GPALPP1: variants seen among roughly 807,000 people sequenced by gnomAD.
GPALPP1 encodes GPALPP motifs containing 1, also known as GPALPP motifs-containing protein 1.
Under a neutral mutation model 38.9 loss-of-function variants are expected in GPALPP1, and 30 were observed. That is an observed-to-expected ratio of 0.77 (90% CI 0.58 to 1.05). GPALPP1 has a LOEUF of 1.05. GPALPP1 is among the 50% of genes least tolerant of loss of function. The pLI is 0.00. For missense variants in GPALPP1, 384 were observed against 408.8 expected (o/e 0.94, Z 0.52); for synonymous variants, 120 against 139.2 (o/e 0.86, Z 0.97).
intron 3 of GPALPP1, among the ~76,000 whole-genome samples, chr13:45,008,492 G>T (rs78011144): frequency 0.083 from 12,612 of 152,078 alleles, 886 homozygotes; most frequent in African/African-American, 0.17. Flanking sequence ...TTAAAACATT[G>T]CCATTTTTAT....
chr13:45,028,186 A>G lies in GPALPP1; in HGVS notation c.*183A>G. 2.7e-6 allele frequency: 1 copy of G among 363,828 alleles called. No homozygotes were observed. Among genetic ancestry groups the G allele is most frequent in the Non-Finnish European group, 4.9e-6 (1 of 205,830 alleles). 22.5% of individuals were successfully genotyped at this position (363,828 alleles called of 1,614,324 possible). On this transcript the variant is annotated 3_prime_UTR_variant, in exon 8 of 8. Transcript: ENST00000379151. ...CCTTGTGGGATGAAAAATATGTCTT[A>G]CTGGAAAAATCCCTCATAATAACCT...
chr13:45,035,749 T>A (rs1876384553), exon 8 of GPALPP1: 1 of 152,234 alleles, frequency 6.6e-6, no homozygotes. Context: ...ACCTAGGAGT[T>A]CATTTAAATG....
intron 1 of GPALPP1, among the ~76,000 whole-genome samples, chr13:44,990,790 T>G (rs932063881): frequency 6.6e-6 from 1 of 152,148 alleles, no homozygotes; most frequent in Non-Finnish European, 1.5e-5. Context: ...ATAACCACTT[T>G]AAAAATTATG....
chr13:44,990,628 GT>G (rs562546180), intron 1 of GPALPP1, among the ~76,000 whole-genome samples: 223 of 152,286 alleles, frequency 1.5e-3, no homozygotes, highest in South Asian at 0.012. Context: ...CTGCTTTAAT[GT>G]TTATTCACAT....
At chr13:45,027,719 G>T in intron 7 of GPALPP1, 66 bp from the exon 8 acceptor site, 1 of 757,926 alleles carries the variant, frequency 1.3e-6, no homozygotes, top group Non-Finnish European at 2.3e-6. Context: ...CCGTTTCATG[G>T]TCATATTCTG....
chr13:45,002,670 A>G (rs907656360), intron 1 of GPALPP1, among the ~76,000 whole-genome samples: 1 of 152,358 alleles, frequency 6.6e-6, no homozygotes, highest in Admixed American at 6.5e-5. Context: ...AACTTATCCA[A>G]ATCACACAGC....
rs1328364262 is a variant in GPALPP1 at position 45,011,035 on chromosome 13, A to G, written c.408+2156A>G. Among the ~76,000 whole-genome samples, 5 of 151,982 alleles carry G rather than the reference A, an allele frequency of 3.3e-5. No individual in the cohort carries two copies. In the East Asian group the frequency reaches 9.7e-4, roughly 29 times the overall value. On this transcript the variant is annotated intron_variant, in intron 4 of 7. Coordinates refer to ENST00000379151, the MANE Select transcript of GPALPP1 (RefSeq NM_018559.5). ...GGTCTTCTTATCTGAGTGAATGTCT[A>G]CTAACCTGAAGTTTGATGAATTGGA...
chr13:45,016,624 T>G (rs1874891261), intron 6 of GPALPP1, among the ~76,000 whole-genome samples: 1 of 152,122 alleles, frequency 6.6e-6, no homozygotes, highest in Non-Finnish European at 1.5e-5. Flanking sequence ...TTTGGTTTTT[T>G]CTTTTTGGTT....
intron 4 of GPALPP1, 44 bp downstream of exon 4, chr13:45,008,923 T>C (rs373611915): frequency 1.8e-5 from 20 of 1,127,174 alleles, no homozygotes; most frequent in African/African-American, 3.0e-5. Context: ...AAAGTTTTCA[T>C]TGAAAGAATA....
At chr13:45,016,691 A>C (rs1038453179) in intron 6 of GPALPP1, among the ~76,000 whole-genome samples, 1 of 152,018 alleles carries the variant, frequency 6.6e-6, no homozygotes, top group African/African-American at 2.4e-5. Context: ...CCCAGGTTGG[A>C]CTGCAGTGGT....
chr13:45,034,777 C>A (rs1157237120), downstream of GPALPP1: 2 of 145,292 alleles, frequency 1.4e-5, no homozygotes, highest in Non-Finnish European at 3.0e-5. Context: ...CCCTCTGTCG[C>A]CCAGACTGGA....
At position 45,004,314 on chromosome 13, in the gene GPALPP1, C is replaced by T. The variant is rs767368604; in HGVS notation, c.98C>T (p.Pro33Leu). 2 of 1,611,020 alleles carry T rather than the reference C, an allele frequency of 1.2e-6. No individual in the cohort carries two copies. The highest frequency in any genetic ancestry group is 1.7e-6 in the Non-Finnish European group (2 of 1,177,898). The part of the protein sequence containing the change: ...EERDPSPVAG[P>L]ALPPNYKSSS... ...AACAAGTGTTCTTTAGTTGCAGGAC[C>T]AGCTCTGCCCCCTAATTATAAAAGC... The change falls in exon 2 of 8, where the codon CCA (proline) becomes CTA (leucine). Residue 33 changes from proline to leucine, a missense_variant. Transcript: ENST00000379151.
intron 4 of GPALPP1, 21 bp downstream of exon 4, chr13:45,008,900 C>T (rs772567642): frequency 3.6e-6 from 5 of 1,385,250 alleles, no homozygotes; most frequent in African/African-American, 2.8e-5. Context: ...CCCATTTCAA[C>T]TCTAAGGTTT....
Position 45,029,467 on chromosome 13 carries a change from T to C in GPALPP1, c.*1464T>C, listed in dbSNP as rs1286432345. On this transcript the variant is annotated 3_prime_UTR_variant, in exon 8 of 8. Coordinates refer to ENST00000379151, the MANE Select transcript of GPALPP1 (RefSeq NM_018559.5). ...GCTTCTGTGGAAGTATGGGGAATTA[T>C]GGGCTTTTCTTCAAATAATTATTTT... 5 of 152,236 alleles carry C rather than the reference T, an allele frequency of 3.3e-5. No homozygotes were observed. Among genetic ancestry groups the C allele is most frequent in the Non-Finnish European group, 7.3e-5 (5 of 68,050 alleles). 9.4% of individuals were successfully genotyped at this position (152,236 alleles called of 1,614,324 possible).
chr13:44,995,331 C>T (rs1873187090), intron 1 of GPALPP1, among the ~76,000 whole-genome samples: 1 of 152,104 alleles, frequency 6.6e-6, no homozygotes, highest in African/African-American at 2.4e-5. Flanking sequence ...TGAAAGCTGA[C>T]TCCTAAGCCC....
downstream of GPALPP1, chr13:45,031,490 A>G (rs1876194973): frequency 1.3e-5 from 2 of 152,178 alleles, no homozygotes; most frequent in Non-Finnish European, 2.9e-5. Context: ...TAAAGAGAAT[A>G]GGGATATTTC....
At chr13:45,011,011 G>T (rs893167404) in intron 4 of GPALPP1, among the ~76,000 whole-genome samples, 1 of 152,016 alleles carries the variant, frequency 6.6e-6, no homozygotes, top group Non-Finnish European at 1.5e-5. Flanking sequence ...AAAAGAAAAG[G>T]TCTTCTTATC....
chr13:44,999,897 C>T (rs367909859), intron 1 of GPALPP1, among the ~76,000 whole-genome samples: 3 of 151,852 alleles, frequency 2.0e-5, no homozygotes, highest in Non-Finnish European at 4.4e-5. Context: ...TTTTTTATAT[C>T]GCCATCTCAG....
intron 6 of GPALPP1, 75 bp from the exon 7 acceptor site, chr13:45,020,255 G>A (rs117740041): frequency 0.013 from 8,230 of 646,626 alleles, 204 homozygotes; most frequent in Non-Finnish European, 8.7e-3. Context: ...CTTAATCTAA[G>A]TAAAAATAAT....
Sources: allele counts gnomAD v4.1 joint callset (sites outside exome capture counted in the v4.1 genomes callset), GRCh38; gene constraint gnomAD v4.1.1; transcripts MANE v1.5; gene names NCBI Gene and HGNC (gene_info 2026-07-23, HGNC 2026-07-21).